The following COL6A6 variants were observed in gnomAD, a reference collection of about 807,000 sequenced individuals.
The protein encoded by COL6A6 is collagen type VI alpha 6 chain.
In COL6A6, 183 loss-of-function variants were observed where a neutral mutation model predicts 208.6. The observed-to-expected ratio is 0.88, with a 90% CI of 0.78 to 0.99. The LOEUF is 0.99. COL6A6 is among the 50% of genes least tolerant of loss of function. The pLI, the probability that COL6A6 is intolerant of heterozygous loss-of-function variation, is 0.00. For synonymous variants in COL6A6, 973 were observed against 1,011.8 expected (o/e 0.96, Z 0.73); for missense variants, 2,816 against 2,815.2 (o/e 1.00, Z -0.01).
intron 21 of COL6A6, among the ~76,000 whole-genome samples, chr3:130,608,564 A>ACCCAAATGTCCAACAATGATAG: frequency 6.6e-6 from 1 of 152,068 alleles, no homozygotes; most frequent in Admixed American, 6.5e-5. Context: ...AGAAAATGTG[A>ACCCAAATGTCCAACAATGATAG]ACTAAATTTT....
At chr3:130,589,240 G>C (rs369223752) in intron 12 of COL6A6, 58 bp downstream of exon 12, 6 of 1,226,756 alleles carry the variant, frequency 4.9e-6, no homozygotes, top group Admixed American at 1.8e-5. Context: ...TTCAGACATG[G>C]GTTTAAGTAG....
In COL6A6 at chr3:130,649,220, A is replaced by G; in HGVS notation, c.5391A>G (p.Gly1797=). 1 of 1,591,754 alleles carries G rather than the reference A, an allele frequency of 6.3e-7. No homozygotes were observed. The highest frequency in any genetic ancestry group is 1.3e-5 in the African/African-American group (1 of 74,502). Residue 1797 remains glycine (G), a synonymous_variant, in exon 33 of 37, where the codon GGA becomes GGG. Transcript: ENST00000358511. ...IKVRENSCPV[G]AHIAILSYNS... ...TCCGGGAGAACAGCTGCCCCGTGGG[A>G]GCGCACATCGCCATCCTCTCCTATA... is the stretch of plus-strand genomic sequence containing the variant.
intron 10 of COL6A6, among the ~76,000 whole-genome samples, chr3:130,582,893 T>C (rs1010060376): frequency 6.6e-6 from 1 of 152,216 alleles, no homozygotes; most frequent in Non-Finnish European, 1.5e-5. Flanking sequence ...GTTGGACCTT[T>C]GCCTCTAAAT....
intron 18 of COL6A6, among the ~76,000 whole-genome samples, chr3:130,595,573 C>CT (rs1433596168): frequency 2.0e-5 from 3 of 152,078 alleles, no homozygotes; most frequent in African/African-American, 7.2e-5. Flanking sequence ...AGTGTCTGCT[C>CT]TTTTTTTCTG....
chr3:130,567,600 G>A (rs79192145), intron 5 of COL6A6, among the ~76,000 whole-genome samples: 1,684 of 152,304 alleles, frequency 0.011, 33 homozygotes, highest in East Asian at 0.069. Context: ...TTATATGAAT[G>A]TCTTTTTATA....
In COL6A6 at chr3:130,574,408, C is replaced by T. The variant is rs944397417; in HGVS notation, c.3430C>T (p.Gln1144Ter). The stretch of plus-strand genomic sequence containing the variant: ...GGGCATTGGGGATGTGGATGACCAG[C>T]AGCTCATTCAGATCACCGGGACTGC... The part of the protein sequence containing the change: ...SVGIGDVDDQ[Q>*]LIQITGTAEK... Residue 1144 changes from glutamine to a stop codon, truncating the protein, a stop_gained, in exon 8 of 37, where the codon CAG becomes TAG. Transcript: ENST00000358511. LOFTEE classifies it high-confidence loss of function. The T allele has an allele frequency of 2.5e-6, 4 of 1,614,020 alleles. No individual in the cohort carries two copies. The highest frequency in any genetic ancestry group is 1.1e-5 in the South Asian group (1 of 91,080).
rs530825284 is a variant in COL6A6 at position 130,619,632 on chromosome 3, C to T, written c.4816-2189C>T. ...GAGAATGGATTAGAGGAAGACCTGG[C>T]TACAGTTAGGAGAGCCAAGAATTTA... is the stretch of plus-strand genomic sequence containing the variant. On this transcript the variant is annotated intron_variant, in intron 23 of 36. Transcript: ENST00000358511. Among the ~76,000 whole-genome samples the T allele has an allele frequency of 2.6e-5, 4 of 152,122 alleles. No individual in the cohort carries two copies. The East Asian group carries it at 7.7e-4, about 29-fold the overall frequency.
At chr3:130,586,750 G>T (rs1056279420) in intron 11 of COL6A6, 90 bp downstream of exon 11, 3 of 1,296,324 alleles carry the variant, frequency 2.3e-6, no homozygotes, top group Non-Finnish European at 2.1e-6. Flanking sequence ...TGAACTTACT[G>T]TGTTTATTTG....
intron 10 of COL6A6, among the ~76,000 whole-genome samples, chr3:130,583,824 ATC>A (rs1326890949): frequency 6.6e-6 from 1 of 152,178 alleles, no homozygotes; most frequent in African/African-American, 2.4e-5. Flanking sequence ...GACAAGAAGT[ATC>A]TCTCTCGCTG....
intron 27 of COL6A6, 37 bp from the exon 28 acceptor site, chr3:130,635,662 A>AT (rs1296368074): frequency 7.2e-7 from 1 of 1,391,054 alleles, no homozygotes; most frequent in African/African-American, 1.5e-5. Flanking sequence ...TATATGTTTG[A>AT]TTTTAATAAC....
chr3:130,539,780 C>T (rs2062316067), intron 1 of COL6A6, among the ~76,000 whole-genome samples: 1 of 152,184 alleles, frequency 6.6e-6, no homozygotes, highest in Non-Finnish European at 1.5e-5. Flanking sequence ...AAACTTATTA[C>T]AGATGACCAT....
chr3:130,610,726 A>G lies in COL6A6; in HGVS notation c.4815+15A>G, dbSNP rs757708290. 3 of 1,551,728 alleles carry G rather than the reference A, an allele frequency of 1.9e-6. No homozygotes were observed. Among genetic ancestry groups the G allele is most frequent in the Non-Finnish European group, 2.6e-6 (3 of 1,140,692 alleles). On this transcript the variant is annotated intron_variant, in intron 23 of 36. Coordinates refer to ENST00000358511, the MANE Select transcript of COL6A6 (RefSeq NM_001102608.3). ...AAGGTCCCCAGGTATGTAATGAGAA[A>G]AATGATTGCATCTGACTTTGATCTT...
chr3:130,625,312 G>GTGA (rs2064852798), intron 24 of COL6A6, among the ~76,000 whole-genome samples: 1 of 152,188 alleles, frequency 6.6e-6, no homozygotes, highest in African/African-American at 2.4e-5. Context: ...TAAAAAAGAT[G>GTGA]TGATGATTCC....
chr3:130,562,376 C>T (rs968076648), intron 2 of COL6A6, among the ~76,000 whole-genome samples: 2 of 152,188 alleles, frequency 1.3e-5, no homozygotes, highest in Non-Finnish European at 2.9e-5. Flanking sequence ...GGTGCCATCA[C>T]ATTTTGCATG....
At chr3:130,653,116 C>T (rs1157863271) in intron 33 of COL6A6, among the ~76,000 whole-genome samples, 1 of 152,106 alleles carries the variant, frequency 6.6e-6, no homozygotes, top group Non-Finnish European at 1.5e-5. Flanking sequence ...TTATTTTGTC[C>T]CTAGGAATTT....
chr3:130,576,568 CT>C (rs2063302756), intron 8 of COL6A6, among the ~76,000 whole-genome samples: 1 of 151,958 alleles, frequency 6.6e-6, no homozygotes, highest in Non-Finnish European at 1.5e-5. Flanking sequence ...CATCCAGTTT[CT>C]ATCTGAGTGT....
chr3:130,595,134 G>A (rs1576293917), intron 18 of COL6A6, among the ~76,000 whole-genome samples: 1 of 151,892 alleles, frequency 6.6e-6, no homozygotes, highest in Non-Finnish European at 1.5e-5. Flanking sequence ...TGACATAAAG[G>A]CACTGCCCTT....
intron 20 of COL6A6, among the ~76,000 whole-genome samples, chr3:130,603,510 G>A (rs981580108): frequency 6.6e-6 from 1 of 152,184 alleles, no homozygotes; most frequent in African/African-American, 2.4e-5. Context: ...AAGAATCTGG[G>A]TTAGAATGTG....
Position 130,649,195 on chromosome 3 carries a change from T to A in COL6A6, c.5366T>A (p.Val1789Asp). Residue 1789 changes from valine to aspartate, a missense_variant, in exon 33 of 37, where the codon GTC becomes GAC. Transcript: ENST00000358511. ...MMAFLVRDIK[V>D]RENSCPVGAH... is the part of the protein sequence containing the mutation. ...GCTTTCCTGGTGAGAGACATTAAGGTCCGGGAGAACAGCTGCCCCGTGGGA... is the reference window on the plus strand; with the variant it reads ...GCTTTCCTGGTGAGAGACATTAAGGACCGGGAGAACAGCTGCCCCGTGGGA... 1.3e-6 allele frequency: 2 copies of A among 1,594,246 alleles called. No homozygotes were observed. Among genetic ancestry groups the A allele is most frequent in the African/African-American group, 1.3e-5 (1 of 74,600 alleles).
Sources: allele counts gnomAD v4.1 joint callset (sites outside exome capture counted in the v4.1 genomes callset), GRCh38; gene constraint gnomAD v4.1.1; transcripts MANE v1.5; gene names NCBI Gene and HGNC (gene_info 2026-07-23, HGNC 2026-07-21).